Variants in IFT74 observed in about 807,000 individuals in gnomAD.
The protein encoded by IFT74 is intraflagellar transport 74, also known as intraflagellar transport protein 74 homolog.
In IFT74, 92 loss-of-function variants were observed where a neutral mutation model predicts 96.7. The ratio of observed to expected loss-of-function variants is 0.95; its 90% CI spans 0.80 to 1.13. The LOEUF (loss-of-function observed/expected upper bound fraction) is 1.13. Ranked by LOEUF, IFT74 falls within the 50% of genes most tolerant of loss-of-function variation. IFT74 has a pLI of 0.00. For synonymous variants in IFT74, 223 were observed against 213.2 expected (o/e 1.05, Z -0.40); for missense variants, 811 against 698.2 (o/e 1.16, Z -1.82).
Position 27,062,649 on chromosome 9 carries a change from C to T in IFT74, c.1716C>T (p.Tyr572=). The T allele has an allele frequency of 6.2e-7, 1 of 1,608,082 alleles. No individual in the cohort carries two copies. Among genetic ancestry groups the T allele is most frequent in the East Asian group, 2.2e-5 (1 of 44,638 alleles). The change falls in exon 20 of 20, where the codon TAC becomes TAT. Residue 572 remains tyrosine, a synonymous_variant. Transcript: ENST00000380062. ...FIATKSQESD[Y]QPIKKNVTKQ... ...CAACCAAGAGTCAAGAGAGTGATTA[C>T]CAGCCAATTAAGAAAAATGTGACCA...
intron 12 of IFT74, among the ~76,000 whole-genome samples, chr9:27,028,368 CA>C (rs1161529137): frequency 6.6e-6 from 1 of 152,102 alleles, no homozygotes; most frequent in Non-Finnish European, 1.5e-5. Flanking sequence ...CTTAATACTG[CA>C]AATCAAACTC....
At chr9:27,031,154 C>T (rs959013697) in intron 13 of IFT74, among the ~76,000 whole-genome samples, 1 of 152,060 alleles carries the variant, frequency 6.6e-6, no homozygotes, top group East Asian at 1.9e-4. Flanking sequence ...TGTTACTGTG[C>T]CCAGCTTGTT....
chr9:26,968,388 A>G (rs957612603), intron 2 of IFT74, among the ~76,000 whole-genome samples: 2 of 151,916 alleles, frequency 1.3e-5, no homozygotes, highest in African/African-American at 4.8e-5. Flanking sequence ...CAGCCTCCCA[A>G]GTAGCTGGGA....
In IFT74 at chr9:26,972,555, T is replaced by C. The variant is rs1369338556; in HGVS notation, c.121-5573T>C. The stretch of plus-strand genomic sequence containing the variant: ...GCTAGAACAGGGGCAGTTATGAACA[T>C]CTGTTTCAGCTCTTCAATCTGATGA... On this transcript the variant is annotated intron_variant, in intron 2 of 19. Transcript: ENST00000380062. Among the ~76,000 whole-genome samples, 3 of 152,226 alleles carry C rather than the reference T, an allele frequency of 2.0e-5. No homozygotes were observed. The East Asian group carries it at 5.8e-4, about 29-fold the overall frequency.
intron 13 of IFT74, among the ~76,000 whole-genome samples, chr9:27,031,781 TAAATA>T (rs966935528): frequency 8.2e-6 from 1 of 122,688 alleles, no homozygotes; most frequent in African/African-American, 3.0e-5. Context: ...TAAAATAAAA[TAAATA>T]AAATAAAATG....
chr9:26,959,086 C>G (rs978388044), intron 1 of IFT74, among the ~76,000 whole-genome samples: 1 of 140,862 alleles, frequency 7.1e-6, no homozygotes, highest in Non-Finnish European at 1.5e-5. Context: ...ATAAGCTATT[C>G]TTTTTGTTGT....
At chr9:26,995,515 A>C in intron 8 of IFT74, 1 of 1,506,014 alleles carries the variant, frequency 6.6e-7, no homozygotes, top group Non-Finnish European at 9.0e-7. Flanking sequence ...CAAACTTTGA[A>C]AGAAATTAAT....
At position 27,039,689 on chromosome 9, in the gene IFT74, G is replaced by C. The variant is rs552958948; in HGVS notation, c.1055-5053G>C. ...TGTAACAACCATTTACAATATATTAGGTATCATAAGTAATCTAGGGATGAT... is the reference window on the plus strand; with the variant it reads ...TGTAACAACCATTTACAATATATTACGTATCATAAGTAATCTAGGGATGAT... On this transcript the variant is annotated intron_variant, in intron 13 of 19. Transcript: ENST00000380062. Among the ~76,000 whole-genome samples, 42 of 152,126 alleles carry C rather than the reference G, an allele frequency of 2.8e-4. 1 individual carries two copies. In the South Asian group the frequency reaches 8.1e-3, roughly 29 times the overall value.
intron 1 of IFT74, chr9:26,947,294 G>A: frequency 4.0e-6 from 2 of 496,016 alleles, no homozygotes; most frequent in East Asian, 7.2e-5. Context: ...GACGCAGAGT[G>A]TGTGCGTCCC....
rs1820488316 is a variant in IFT74, at chr9:27,062,828, G to A, written c.*92G>A. 2.8e-6 allele frequency: 2 copies of A among 712,702 alleles called. No individual in the cohort carries two copies. The highest frequency in any genetic ancestry group is 1.9e-5 in the South Asian group (1 of 53,878). The allele number at this position is 712,702 out of a possible 1,614,324, so 44.1% of individuals were successfully genotyped here. A position where few individuals can be genotyped will look rare whatever the true frequency, so the allele number is the denominator to read the frequency against. ...CCAAAAAAAAAAAAAGCTTACTTTT[G>A]GAGTTTACCTAAAATTTCTGAATGT... On this transcript the variant is annotated 3_prime_UTR_variant, in exon 20 of 20. Coordinates refer to ENST00000380062, the MANE Select transcript of IFT74 (RefSeq NM_025103.4).
At chr9:26,953,188 T>C (rs748755007), upstream of IFT74, among the ~76,000 whole-genome samples, 36 of 152,272 alleles carry the variant, frequency 2.4e-4, no homozygotes, top group Non-Finnish European at 4.3e-4. Context: ...CTGAGAAGGT[T>C]TTTTTCCCCC....
intron 4 of IFT74, chr9:26,982,208 A>C: frequency 3.8e-6 from 1 of 266,508 alleles, no homozygotes; most frequent in East Asian, 1.3e-4. Flanking sequence ...AGTTTTACAT[A>C]AGTATGTATT....
intron 7 of IFT74, among the ~76,000 whole-genome samples, chr9:26,989,167 T>G (rs1444814679): frequency 5.9e-5 from 9 of 152,134 alleles, no homozygotes; most frequent in Non-Finnish European, 8.8e-5. Context: ...GATTGGTAAA[T>G]GAGAATCTGT....
chr9:27,027,103 T>C (rs1427768718), intron 12 of IFT74, among the ~76,000 whole-genome samples: 1 of 151,698 alleles, frequency 6.6e-6, no homozygotes, highest in Non-Finnish European at 1.5e-5. Flanking sequence ...AGAGAAAAGA[T>C]CCAAATAAGC....
intron 12 of IFT74, among the ~76,000 whole-genome samples, chr9:27,026,531 C>G (rs1829865260): frequency 1.3e-5 from 2 of 152,138 alleles, no homozygotes; most frequent in African/African-American, 4.8e-5. Context: ...ACATTCTGTT[C>G]ATCAGCACAT....
Position 27,064,915 on chromosome 9 carries a change from T to G in IFT74, c.*2179T>G, listed in dbSNP as rs1405992459. Among the ~76,000 whole-genome samples the G allele has an allele frequency of 6.6e-6, 1 of 152,152 alleles. No homozygotes were observed. The highest frequency in any genetic ancestry group is 2.4e-5 in the African/African-American group (1 of 41,438). On this transcript the variant is annotated 3_prime_UTR_variant, in exon 20 of 20. Transcript: ENST00000380062. ...TTGGTATTTTCAAAATTGTCTGTGA[T>G]GTACATTTAATACTTAGAAATGCAA...
chr9:26,952,849 G>A (rs1423954251), upstream of IFT74, among the ~76,000 whole-genome samples: 6 of 152,040 alleles, frequency 3.9e-5, no homozygotes, highest in East Asian at 3.9e-4. Flanking sequence ...ACTATTCAAG[G>A]GCCTATGAGT....
chr9:26,987,447 T>C (rs2131547530), intron 6 of IFT74, among the ~76,000 whole-genome samples: 1 of 152,290 alleles, frequency 6.6e-6, no homozygotes, highest in African/African-American at 2.4e-5. Context: ...GTTTTAGTTA[T>C]GCTGGAACAA....
chr9:27,027,577 G>A (rs1287504374), intron 12 of IFT74, among the ~76,000 whole-genome samples: 1 of 152,020 alleles, frequency 6.6e-6, no homozygotes, highest in Non-Finnish European at 1.5e-5. Flanking sequence ...ATGATGTTGA[G>A]GTTCCTTTCA....
Sources: allele counts gnomAD v4.1 joint callset (sites outside exome capture counted in the v4.1 genomes callset), GRCh38; gene constraint gnomAD v4.1.1; transcripts MANE v1.5; gene names NCBI Gene and HGNC (gene_info 2026-07-23, HGNC 2026-07-21).